DCC: variants seen among roughly 807,000 people sequenced by gnomAD.
The protein encoded by DCC is DCC netrin 1 receptor.
A neutral mutation model predicts 172.5 loss-of-function variants in DCC; 58 were observed. The ratio of observed to expected loss-of-function variants is 0.34; its 90% CI spans 0.27 to 0.42. DCC has a LOEUF of 0.42. Among genes scored for constraint, DCC ranks in the 10% least tolerant of loss-of-function variants. The pLI is 1.00. For synonymous variants in DCC, 709 were observed against 644.5 expected (o/e 1.10, Z -1.52); for missense variants, 1,740 against 1,791.0 (o/e 0.97, Z 0.51).
intron 1 of DCC, among the ~76,000 whole-genome samples, chr18:52,545,801 T>C (rs895308339): frequency 6.6e-6 from 1 of 152,210 alleles, no homozygotes; most frequent in Non-Finnish European, 1.5e-5. Flanking sequence ...ATGTGCCTTC[T>C]ATAAGGGAGT....
At chr18:53,461,654 T>C (rs1344195239) in intron 24 of DCC, among the ~76,000 whole-genome samples, 4 of 152,226 alleles carry the variant, frequency 2.6e-5, no homozygotes, top group African/African-American at 9.6e-5. Flanking sequence ...TGTTTTACTG[T>C]ACTCTGTCAT....
At chr18:52,815,688 TTA>T (rs1304956079) in intron 2 of DCC, among the ~76,000 whole-genome samples, 4 of 152,220 alleles carry the variant, frequency 2.6e-5, no homozygotes, top group Admixed American at 6.5e-5. Flanking sequence ...AACAAAATAA[TTA>T]TGTTTTACCC....
intron 2 of DCC, among the ~76,000 whole-genome samples, chr18:52,857,719 C>G (rs191607120): frequency 1.4e-3 from 219 of 152,108 alleles, no homozygotes; most frequent in African/African-American, 4.8e-3. Context: ...ACCATATTGG[C>G]CAACCCTTCC....
chr18:52,340,600 G>GA lies in DCC; in HGVS notation c.-183dup. The GA allele has an allele frequency of 1.5e-6, 1 of 678,338 alleles. No individual in the cohort carries two copies. The highest frequency in any genetic ancestry group is 2.7e-5 in the East Asian group (1 of 37,662). 42.0% of individuals were successfully genotyped at this position (678,338 alleles called of 1,614,324 possible). ...GCTGCTGATTCTGTCAGTGGACAAG[G>GA]AAAAAGGCTTCGAAGGCAGCAGAGG... On this transcript the variant is annotated 5_prime_UTR_variant, in exon 1 of 29. Transcript: ENST00000442544.
chr18:53,033,561 CCT>C (rs762542133), intron 5 of DCC, among the ~76,000 whole-genome samples: 1 of 152,120 alleles, frequency 6.6e-6, no homozygotes, highest in Admixed American at 6.6e-5. Context: ...GCTGTCTCAG[CCT>C]CTCTATCAAT....
intron 13 of DCC, among the ~76,000 whole-genome samples, chr18:53,318,771 T>G (rs1228486576): frequency 1.6e-5 from 2 of 126,336 alleles, no homozygotes; most frequent in East Asian, 4.7e-4. Flanking sequence ...TTTTTTTTTT[T>G]GTGATCTTTG....
chr18:53,339,744 T>C lies in DCC; in HGVS notation c.2196T>C (p.Leu732=). The stretch of plus-strand genomic sequence containing the variant: ...AAGTTCCTGATCAACCAAGCTCTCT[T>C]CATGTGAGGCCCCAGACTAACTGCA... The part of the protein sequence containing the change: ...ESQVPDQPSS[L]HVRPQTNCII... Residue 732 remains leucine (L), a synonymous_variant, in exon 15 of 29, where the codon CTT becomes CTC. Coordinates refer to ENST00000442544, the MANE Select transcript of DCC (RefSeq NM_005215.4). 1 of 1,613,970 alleles carries C rather than the reference T, an allele frequency of 6.2e-7. No individual in the cohort carries two copies. The highest frequency in any genetic ancestry group is 1.1e-5 in the South Asian group (1 of 91,076).
At chr18:52,677,673 A>G (rs1432719306) in intron 1 of DCC, among the ~76,000 whole-genome samples, 2 of 152,090 alleles carry the variant, frequency 1.3e-5, no homozygotes, top group Non-Finnish European at 2.9e-5. Flanking sequence ...TGAGATATCT[A>G]TGACAGATTT....
chr18:52,581,205 A>ATCTATCTATCTATCTG (rs763256543), intron 1 of DCC, among the ~76,000 whole-genome samples: 1 of 152,010 alleles, frequency 6.6e-6, no homozygotes, highest in Non-Finnish European at 1.5e-5. Context: ...CTATCTATCT[A>ATCTATCTATCTATCTG]TCTAAATTTG....
Position 52,629,025 on chromosome 18 carries a change from T to C in DCC, c.92-123029T>C, listed in dbSNP as rs146809350. 3.8e-4 allele frequency among the ~76,000 whole-genome samples: 58 copies of C among 152,318 alleles called. No individual in the cohort carries two copies. The East Asian group carries it at 0.01, about 27-fold the overall frequency. The stretch of plus-strand genomic sequence containing the variant: ...GCATGGCTGAAATAGTAGATTTAAA[T>C]TGGTGCAGCCGTGAGGATATTACTA... On this transcript the variant is annotated intron_variant, in intron 1 of 28. Coordinates refer to ENST00000442544, the MANE Select transcript of DCC (RefSeq NM_005215.4).
intron 7 of DCC, among the ~76,000 whole-genome samples, chr18:53,151,249 C>G (rs545452928): frequency 6.6e-6 from 1 of 152,124 alleles, no homozygotes; most frequent in Non-Finnish European, 1.5e-5. Context: ...GAATAGAAAT[C>G]ATTTAGTGAG....
At chr18:52,955,264 C>A (rs982986437) in intron 5 of DCC, among the ~76,000 whole-genome samples, 1 of 152,110 alleles carries the variant, frequency 6.6e-6, no homozygotes, top group Admixed American at 6.6e-5. Flanking sequence ...TTTACTGTCT[C>A]CGTAATTTTA....
intron 1 of DCC, among the ~76,000 whole-genome samples, chr18:52,566,989 T>C (rs528615846): frequency 1.4e-3 from 219 of 152,316 alleles, no homozygotes; most frequent in African/African-American, 5.0e-3. Flanking sequence ...GGACTTTTCA[T>C]GCATTTATAG....
chr18:52,472,713 G>A (rs1185456206), intron 1 of DCC, among the ~76,000 whole-genome samples: 1 of 152,052 alleles, frequency 6.6e-6, no homozygotes, highest in Non-Finnish European at 1.5e-5. Flanking sequence ...AACCAGCTTG[G>A]GCAGCAAAGC....
At chr18:53,287,995 A>G (rs1041018315) in intron 12 of DCC, among the ~76,000 whole-genome samples, 6 of 152,100 alleles carry the variant, frequency 3.9e-5, no homozygotes, top group African/African-American at 1.2e-4. Context: ...CGCAATCCTA[A>G]TATGCTGTAA....
intron 1 of DCC, among the ~76,000 whole-genome samples, chr18:52,580,320 C>T (rs968608914): frequency 2.0e-5 from 3 of 152,150 alleles, no homozygotes; most frequent in Admixed American, 2.0e-4. Context: ...TGCAGTGGCG[C>T]GATCTCGGCT....
intron 1 of DCC, among the ~76,000 whole-genome samples, chr18:52,408,205 G>C (rs1024333642): frequency 6.6e-6 from 1 of 152,020 alleles, no homozygotes; most frequent in East Asian, 1.9e-4. Context: ...ACTAGTATGA[G>C]ACTAGTTTAG....
intron 15 of DCC, 151 bp downstream of exon 15, chr18:53,340,058 ACACACACACACACACACATAC>A: frequency 4.0e-6 from 2 of 498,904 alleles, no homozygotes; most frequent in Non-Finnish European, 7.0e-6. Context: ...ACACACACAC[ACACACACACACACACACATAC>A]ACACACACAC....
chr18:52,753,000 C>CACAT (rs1555656464), intron 2 of DCC, among the ~76,000 whole-genome samples: 17 of 150,664 alleles, frequency 1.1e-4, no homozygotes, highest in African/African-American at 3.4e-4. Flanking sequence ...CACACACACA[C>CACAT]ATATATATAT....
Sources: gnomAD v4.1 joint callset for allele counts (sites outside exome capture counted in the v4.1 genomes callset) on GRCh38, gnomAD v4.1.1 for gene constraint, MANE v1.5 for transcripts, NCBI Gene and HGNC (gene_info 2026-07-23, HGNC 2026-07-21) for gene names.